PALLD: variants seen among roughly 807,000 people sequenced by gnomAD.
PALLD encodes the protein palladin, cytoskeletal associated protein, also known as palladin.
A neutral mutation model predicts 123.5 loss-of-function variants in PALLD; 61 were observed. The observed-to-expected ratio is 0.49, with a 90% CI of 0.40 to 0.61. The LOEUF (loss-of-function observed/expected upper bound fraction) is 0.61. Ranked by LOEUF, PALLD falls within the 20% of genes least tolerant of loss-of-function variation. PALLD has a pLI of 0.00. For synonymous variants in PALLD, 465 were observed against 496.4 expected (o/e 0.94, Z 0.84); for missense variants, 1,273 against 1,377.0 (o/e 0.92, Z 1.20).
At chr4:168,628,153 T>C (rs1184285401) in intron 2 of PALLD, among the ~76,000 whole-genome samples, 1 of 152,250 alleles carries the variant, frequency 6.6e-6, no homozygotes, top group Admixed American at 6.5e-5. Context: ...TAAAATGTCA[T>C]GTGTGGACGT....
chr4:168,901,758 T>G (rs1756571124), intron 14 of PALLD, among the ~76,000 whole-genome samples: 1 of 152,102 alleles, frequency 6.6e-6, no homozygotes, highest in Middle Eastern at 3.2e-3. Context: ...CTCAGGAGGC[T>G]GAGGCAAGAG....
chr4:168,705,830 A>G (rs1784171526), intron 8 of PALLD, among the ~76,000 whole-genome samples: 2 of 152,114 alleles, frequency 1.3e-5, no homozygotes, highest in Non-Finnish European at 2.9e-5. Context: ...TTTAGGAGAG[A>G]TGGGGTTTCA....
intron 10 of PALLD, among the ~76,000 whole-genome samples, chr4:168,885,697 C>A (rs1753240282): frequency 6.6e-6 from 1 of 152,170 alleles, no homozygotes. Flanking sequence ...ATAGGCTGGA[C>A]ACATTCATTT....
intron 10 of PALLD, among the ~76,000 whole-genome samples, chr4:168,733,869 G>A (rs1361714295): frequency 2.0e-5 from 3 of 152,102 alleles, no homozygotes; most frequent in Non-Finnish European, 2.9e-5. Context: ...TGAGTAGCTG[G>A]GACTACAGGC....
At chr4:168,655,537 A>G (rs1690033346) in intron 2 of PALLD, among the ~76,000 whole-genome samples, 1 of 152,244 alleles carries the variant, frequency 6.6e-6, no homozygotes, top group South Asian at 2.1e-4. Context: ...TGCCCTGAGC[A>G]ATTGAACTTG....
At chr4:168,684,224 G>A (rs1427492856) in intron 5 of PALLD, among the ~76,000 whole-genome samples, 5 of 152,138 alleles carry the variant, frequency 3.3e-5, no homozygotes, top group African/African-American at 9.7e-5. Flanking sequence ...CTAGGAAATA[G>A]AGAGATACAC....
intron 10 of PALLD, among the ~76,000 whole-genome samples, chr4:168,848,923 T>C (rs145038703): frequency 2.3e-4 from 35 of 152,326 alleles, no homozygotes; most frequent in Middle Eastern, 6.8e-3. Flanking sequence ...ACAAATGAAC[T>C]TTCCCTAAAA....
At chr4:168,796,196 C>T (rs1738478529) in intron 10 of PALLD, among the ~76,000 whole-genome samples, 2 of 152,140 alleles carry the variant, frequency 1.3e-5, no homozygotes, top group Admixed American at 6.6e-5. Context: ...CCACCTTGCC[C>T]CCCACTGTCC....
At chr4:168,857,024 G>C (rs1408858299) in intron 10 of PALLD, among the ~76,000 whole-genome samples, 2 of 152,204 alleles carry the variant, frequency 1.3e-5, no homozygotes, top group Non-Finnish European at 2.9e-5. Context: ...ATAAATGTTA[G>C]AAAAGTTCAG....
intron 10 of PALLD, among the ~76,000 whole-genome samples, chr4:168,841,777 A>C (rs1746073920): frequency 6.6e-6 from 1 of 152,206 alleles, no homozygotes; most frequent in Non-Finnish European, 1.5e-5. Flanking sequence ...AAAATGAAAG[A>C]ATAATCACCT....
chr4:168,697,524 G>C (rs1266883217), intron 8 of PALLD, among the ~76,000 whole-genome samples: 2 of 152,212 alleles, frequency 1.3e-5, no homozygotes, highest in Non-Finnish European at 2.9e-5. Flanking sequence ...TTATTTGGAT[G>C]ACAGAATGGC....
At chr4:168,559,663 G>A (rs1032806759) in intron 2 of PALLD, among the ~76,000 whole-genome samples, 3 of 152,102 alleles carry the variant, frequency 2.0e-5, no homozygotes, top group African/African-American at 4.8e-5. Flanking sequence ...TTGAGAGGCC[G>A]AGGTGGGTGG....
Position 168,711,854 on chromosome 4 carries a change from C to T in PALLD, c.1895C>T (p.Ser632Phe), listed in dbSNP as rs747576887. The T allele has an allele frequency of 1.9e-6, 3 of 1,614,160 alleles. No individual in the cohort carries two copies. In the South Asian group the frequency reaches 3.3e-5, roughly 18 times the overall value. Reference protein sequence around the residue: ...LINGKANSNKSLPTPAVLLSP... With the variant: ...LINGKANSNKFLPTPAVLLSP... ...AACGGCAAAGCTAACAGTAATAAAT[C>T]TCTTCCAACACCAGCTGTCCTGCTT... Residue 632 changes from serine (S) to phenylalanine (F), a missense_variant, in exon 10 of 22, where the codon TCT becomes TTT. Ser to Phe is a radical substitution (Grantham distance 155). Coordinates refer to ENST00000505667, the MANE Select transcript of PALLD (RefSeq NM_001166108.2).
intron 10 of PALLD, among the ~76,000 whole-genome samples, chr4:168,888,972 C>T (rs1431710028): frequency 6.6e-6 from 1 of 152,072 alleles, no homozygotes; most frequent in Admixed American, 6.6e-5. Flanking sequence ...GTTTCTGCTG[C>T]ATACTTAGTG....
intron 10 of PALLD, among the ~76,000 whole-genome samples, chr4:168,721,294 T>C (rs1581145755): frequency 1.3e-5 from 2 of 152,162 alleles, no homozygotes; most frequent in South Asian, 4.1e-4. Context: ...AGACCTTTTA[T>C]TTTAAAAGGG....
At chr4:168,621,971 T>C (rs904025027) in intron 2 of PALLD, among the ~76,000 whole-genome samples, 2 of 152,168 alleles carry the variant, frequency 1.3e-5, no homozygotes, top group Non-Finnish European at 2.9e-5. Context: ...AGGGTTTGTA[T>C]TTGCGCCAAA....
At chr4:168,606,189 T>C (rs1010505257) in intron 2 of PALLD, among the ~76,000 whole-genome samples, 9 of 152,178 alleles carry the variant, frequency 5.9e-5, no homozygotes, top group African/African-American at 1.9e-4. Context: ...ATCAGGGAAG[T>C]TGAGCATCCT....
chr4:168,798,151 A>G (rs775186880), intron 10 of PALLD, among the ~76,000 whole-genome samples: 5 of 152,158 alleles, frequency 3.3e-5, no homozygotes, highest in Non-Finnish European at 7.4e-5. Flanking sequence ...CATGCTTTCT[A>G]TGATGAGTAG....
At chr4:168,838,630 A>C (rs1745539876) in intron 10 of PALLD, among the ~76,000 whole-genome samples, 3 of 136,530 alleles carry the variant, frequency 2.2e-5, no homozygotes, top group East Asian at 4.6e-4. Context: ...AGAATTCTCT[A>C]GTTCACTTCT....
Sources: allele counts gnomAD v4.1 joint callset (sites outside exome capture counted in the v4.1 genomes callset), GRCh38; gene constraint gnomAD v4.1.1; transcripts MANE v1.5; gene names NCBI Gene and HGNC (gene_info 2026-07-23, HGNC 2026-07-21).